RAPGEF4: variants seen among roughly 807,000 people sequenced by gnomAD.
The protein encoded by RAPGEF4 is Rap guanine nucleotide exchange factor 4.
Under a neutral mutation model 147.9 loss-of-function variants are expected in RAPGEF4, and 66 were observed. That is an observed-to-expected ratio of 0.45 (90% confidence interval 0.37 to 0.55). RAPGEF4 has a LOEUF of 0.55. Ranked by LOEUF, RAPGEF4 falls within the 20% of genes least tolerant of loss-of-function variation. The pLI, the probability that RAPGEF4 is intolerant of heterozygous loss-of-function variation, is 0.00. For synonymous variants in RAPGEF4, 419 were observed against 442.7 expected (o/e 0.95, Z 0.67); for missense variants, 1,071 against 1,257.3 (o/e 0.85, Z 2.24).
At chr2:172,746,351 C>T (rs940495956) in intron 1 of RAPGEF4, among the ~76,000 whole-genome samples, 5 of 152,038 alleles carry the variant, frequency 3.3e-5, no homozygotes, top group African/African-American at 4.8e-5. Flanking sequence ...TGTGGGGGCA[C>T]GGGTGTATTC....
chr2:172,751,285 CT>C (rs1695264248), intron 1 of RAPGEF4, among the ~76,000 whole-genome samples: 1 of 152,202 alleles, frequency 6.6e-6, no homozygotes, highest in Non-Finnish European at 1.5e-5. Context: ...GTGAGAAAAA[CT>C]GTCAAAGGCC....
At chr2:172,985,655 A>G (rs1692173603) in intron 12 of RAPGEF4, among the ~76,000 whole-genome samples, 162 bp downstream of exon 12, 1 of 152,062 alleles carries the variant, frequency 6.6e-6, no homozygotes. Flanking sequence ...ACCTGTGATT[A>G]TTTCCAGCAC....
intron 4 of RAPGEF4, among the ~76,000 whole-genome samples, chr2:172,887,554 C>A (rs1409044886): frequency 6.6e-6 from 1 of 152,110 alleles, no homozygotes; most frequent in South Asian, 2.1e-4. Flanking sequence ...CAGCCACACT[C>A]GTTTATTCAT....
chr2:172,976,548 A>T (rs1691092750), intron 10 of RAPGEF4, among the ~76,000 whole-genome samples: 2 of 152,134 alleles, frequency 1.3e-5, no homozygotes, highest in Non-Finnish European at 2.9e-5. Flanking sequence ...CACACAAAAA[A>T]ATAGAGCATT....
chr2:172,853,663 A>G (rs2113804), intron 4 of RAPGEF4, among the ~76,000 whole-genome samples: 99,967 of 151,570 alleles, frequency 0.66, 33,257 homozygotes, highest in East Asian at 0.83. Context: ...CCTTTCTACT[A>G]TAAACATTTA....
chr2:173,031,667 G>T (rs1396694867), intron 26 of RAPGEF4, among the ~76,000 whole-genome samples: 1 of 152,164 alleles, frequency 6.6e-6, no homozygotes, highest in African/African-American at 2.4e-5. Flanking sequence ...AAAGTAGGAG[G>T]CTGCTGAAGA....
intron 6 of RAPGEF4, among the ~76,000 whole-genome samples, chr2:172,932,378 A>T (rs1439991739): frequency 1.3e-5 from 2 of 152,210 alleles, no homozygotes; most frequent in African/African-American, 4.8e-5. Context: ...CCAGTCCTGT[A>T]AGTTAAACAA....
intron 4 of RAPGEF4, among the ~76,000 whole-genome samples, chr2:172,909,157 C>T (rs946356445): frequency 1.5e-4 from 23 of 152,240 alleles, no homozygotes; most frequent in African/African-American, 5.1e-4. Flanking sequence ...CTGCACAAGC[C>T]ACCCACCTCT....
chr2:173,001,075 A>G (rs1325006477), intron 16 of RAPGEF4, among the ~76,000 whole-genome samples, 191 bp from the exon 17 acceptor site: 1 of 152,140 alleles, frequency 6.6e-6, no homozygotes, highest in African/African-American at 2.4e-5. Flanking sequence ...GTCCATTGTC[A>G]TAAGAAACTG....
At chr2:172,914,254 G>A (rs1386824167) in intron 4 of RAPGEF4, among the ~76,000 whole-genome samples, 1 of 150,278 alleles carries the variant, frequency 6.7e-6, no homozygotes, top group Non-Finnish European at 1.5e-5. Context: ...ATGTATTCAG[G>A]TATTTCAGGA....
intron 6 of RAPGEF4, among the ~76,000 whole-genome samples, chr2:172,931,610 C>T (rs1685986385): frequency 6.6e-6 from 1 of 152,168 alleles, no homozygotes; most frequent in Non-Finnish European, 1.5e-5. Flanking sequence ...GAGGAAGCCA[C>T]ACCCAAACCT....
chr2:172,988,658 G>A (rs1692515791), intron 13 of RAPGEF4, 35 bp from the exon 14 acceptor site: 2 of 1,588,058 alleles, frequency 1.3e-6, no homozygotes, highest in Non-Finnish European at 1.7e-6. Flanking sequence ...TCTATTTCAG[G>A]GATCTTCTTC....
intron 6 of RAPGEF4, among the ~76,000 whole-genome samples, chr2:172,957,793 A>G (rs1442995429): frequency 6.6e-6 from 1 of 152,242 alleles, no homozygotes; most frequent in African/African-American, 2.4e-5. Flanking sequence ...AACTGGTACT[A>G]GGATTACTAG....
At chr2:172,900,961 A>AT (rs899769156) in intron 4 of RAPGEF4, among the ~76,000 whole-genome samples, 12 of 151,404 alleles carry the variant, frequency 7.9e-5, no homozygotes, top group East Asian at 3.9e-4. Context: ...CACATACATT[A>AT]TTTTTTTTTC....
intron 15 of RAPGEF4, among the ~76,000 whole-genome samples, chr2:172,994,414 AC>A (rs2105758030): frequency 6.6e-6 from 1 of 152,304 alleles, no homozygotes; most frequent in East Asian, 1.9e-4. Context: ...AGCCAGACAC[AC>A]CTGGCTCATG....
intron 4 of RAPGEF4, among the ~76,000 whole-genome samples, chr2:172,850,683 T>A (rs2149735119): frequency 6.6e-6 from 1 of 152,008 alleles, no homozygotes; most frequent in South Asian, 2.1e-4. Flanking sequence ...TAAAGAAAAA[T>A]TTTCTCCACT....
At chr2:172,744,713 G>T (rs147753217) in intron 1 of RAPGEF4, among the ~76,000 whole-genome samples, 194 of 152,192 alleles carry the variant, frequency 1.3e-3, no homozygotes, top group African/African-American at 4.5e-3. Context: ...GGAATGCCAG[G>T]ACAAAATTGA....
chr2:172,797,747 T>C (rs1686527587), intron 3 of RAPGEF4, 134 bp downstream of exon 3: 8 of 645,048 alleles, frequency 1.2e-5, no homozygotes, highest in Middle Eastern at 8.5e-4. Context: ...CAGCACTGTT[T>C]GTTGGATTCC....
rs1436260063 is a variant in RAPGEF4 at position 172,736,061 on chromosome 2, G to A, written c.65+13G>A. Reference sequence around the variant, plus strand: ...GCCTGGATAAAAGGTAGCTCGCCGGGGGCCGCAGCCGGGGGCCGAGCTCTG... The same window carrying A: ...GCCTGGATAAAAGGTAGCTCGCCGGAGGCCGCAGCCGGGGGCCGAGCTCTG... On this transcript the variant is annotated intron_variant, in intron 1 of 30. Transcript: ENST00000397081. 2 of 1,460,492 alleles carry A rather than the reference G, an allele frequency of 1.4e-6. No homozygotes were observed. The highest frequency in any genetic ancestry group is 1.8e-6 in the Non-Finnish European group (2 of 1,102,564). The allele number at this position is 1,460,492 out of a possible 1,614,324, so 90.5% of individuals were successfully genotyped here.
Sources: gnomAD v4.1 joint callset for allele counts (sites outside exome capture counted in the v4.1 genomes callset) on GRCh38, gnomAD v4.1.1 for gene constraint, MANE v1.5 for transcripts, NCBI Gene and HGNC (gene_info 2026-07-23, HGNC 2026-07-21) for gene names.